The following HERC3 variants were observed in gnomAD, a reference collection of about 807,000 sequenced individuals.
HERC3 encodes HECT and RLD domain containing E3 ubiquitin protein ligase 3.
In HERC3, 58 loss-of-function variants were observed where a neutral mutation model predicts 129.9. The ratio of observed to expected loss-of-function variants is 0.45; its 90% CI spans 0.36 to 0.56. The LOEUF is 0.56. Ranked by LOEUF, HERC3 falls within the 20% of genes least tolerant of loss-of-function variation. The pLI, the probability that HERC3 is intolerant of heterozygous loss-of-function variation, is 0.00. For missense variants in HERC3, 835 were observed against 1,244.2 expected (o/e 0.67, Z 4.95); for synonymous variants, 430 against 451.0 (o/e 0.95, Z 0.59).
At chr4:88,592,789 C>T (rs1470140672) in intron 1 of HERC3, among the ~76,000 whole-genome samples, 1 of 151,886 alleles carries the variant, frequency 6.6e-6, no homozygotes. Context: ...CCTTAGTACC[C>T]TGCGTACGCC....
the HERC3 span, among the ~76,000 whole-genome samples, chr4:88,538,545 CTTT>C: frequency 2.8e-4 from 36 of 129,766 alleles, no homozygotes; most frequent in Admixed American, 3.9e-4. Flanking sequence ...CCAATTTCCT[CTTT>C]TTTTTTTTTT....
At chr4:88,614,133 T>A (rs553284636) in intron 3 of HERC3, among the ~76,000 whole-genome samples, 29 of 152,352 alleles carry the variant, frequency 1.9e-4, no homozygotes, top group Admixed American at 1.6e-3. Flanking sequence ...AACAAGAATT[T>A]TAGTTAATTT....
At chr4:88,665,957 T>A (rs1366753037) in intron 12 of HERC3, among the ~76,000 whole-genome samples, 1 of 152,186 alleles carries the variant, frequency 6.6e-6, no homozygotes, top group Non-Finnish European at 1.5e-5. Flanking sequence ...TCTGGTAACA[T>A]TTTTGGTTGG....
intron 18 of HERC3, 111 bp from the exon 19 acceptor site, chr4:88,677,853 T>A: frequency 1.1e-6 from 1 of 883,036 alleles, no homozygotes; most frequent in Non-Finnish European, 1.7e-6. Flanking sequence ...GGGAAAAAAA[T>A]TAACAAAATG....
At chr4:88,615,492 A>G (rs539534203) in intron 3 of HERC3, among the ~76,000 whole-genome samples, 1 of 152,154 alleles carries the variant, frequency 6.6e-6, no homozygotes, top group South Asian at 2.1e-4. Context: ...TGAAATTTCT[A>G]TTATAATTAT....
At chr4:88,626,778 G>A (rs1036728807) in intron 3 of HERC3, among the ~76,000 whole-genome samples, 2 of 152,106 alleles carry the variant, frequency 1.3e-5, no homozygotes, top group Admixed American at 6.5e-5. Flanking sequence ...TATAGCACTT[G>A]TATCTTCATT....
At chr4:88,681,721 T>G (rs1732801836) in intron 21 of HERC3, among the ~76,000 whole-genome samples, 1 of 152,224 alleles carries the variant, frequency 6.6e-6, no homozygotes, top group Non-Finnish European at 1.5e-5. Flanking sequence ...GATACACATA[T>G]TTTGGGGGTA....
rs372496902 is a variant in HERC3, at chr4:88,650,990, A to G, written c.386+991A>G. Among the ~76,000 whole-genome samples, 19 of 152,252 alleles carry G rather than the reference A, an allele frequency of 1.2e-4. No homozygotes were observed. The South Asian group carries it at 2.7e-3, about 22-fold the overall frequency. On this transcript the variant is annotated intron_variant, in intron 4 of 25. Transcript: ENST00000402738. ...TAAATAAGAGGACCATGGAGGTAAG[A>G]GTGATTTGATTCAGTTCTTGATTTA...
chr4:88,548,600 A>G, the HERC3 span, among the ~76,000 whole-genome samples: 5 of 150,872 alleles, frequency 3.3e-5, no homozygotes, highest in Admixed American at 2.6e-4. Flanking sequence ...TATATTCTGG[A>G]TACAATTTCA....
intron 3 of HERC3, among the ~76,000 whole-genome samples, chr4:88,621,296 A>G (rs1056094361): frequency 2.6e-5 from 4 of 152,086 alleles, no homozygotes; most frequent in Admixed American, 6.5e-5. Context: ...TAGTAGAGAC[A>G]GGGTTTTGCC....
At chr4:88,582,107 G>A in the HERC3 span, among the ~76,000 whole-genome samples, 1 of 152,096 alleles carries the variant, frequency 6.6e-6, no homozygotes, top group African/African-American at 2.4e-5. Flanking sequence ...TGCTTCAAAG[G>A]CTGACCTGGG....
chr4:88,567,878 T>C, the HERC3 span, among the ~76,000 whole-genome samples: 1 of 152,220 alleles, frequency 6.6e-6, no homozygotes, highest in South Asian at 2.1e-4. Context: ...AAAAGCTATG[T>C]ATTTATTTTA....
the HERC3 span, chr4:88,523,885 C>T: frequency 0.035 from 19,958 of 577,660 alleles, 693 homozygotes; most frequent in South Asian, 0.12. Context: ...GCTTTTCCCA[C>T]GGGCGTCATC....
intron 23 of HERC3, chr4:88,692,853 A>G (rs979450463): frequency 5.9e-5 from 58 of 981,950 alleles, no homozygotes; most frequent in Non-Finnish European, 6.5e-5. Context: ...ATGGCCTCTC[A>G]GGGGCTAAGG....
the HERC3 span, among the ~76,000 whole-genome samples, chr4:88,548,265 A>G: frequency 1.3e-5 from 2 of 152,152 alleles, no homozygotes; most frequent in Non-Finnish European, 2.9e-5. Context: ...TGTTTTAAGA[A>G]ATTTCCAGAC....
chr4:88,677,886 G>T, intron 18 of HERC3, 78 bp from the exon 19 acceptor site: 1 of 1,355,916 alleles, frequency 7.4e-7, no homozygotes, highest in East Asian at 2.3e-5. Context: ...GCGCCCCCAA[G>T]TCCAGAAGCA....
chr4:88,573,499 T>C, the HERC3 span, among the ~76,000 whole-genome samples: 1 of 152,234 alleles, frequency 6.6e-6, no homozygotes, highest in South Asian at 2.1e-4. Flanking sequence ...TCTGGAATTC[T>C]GGGATAGATG....
chr4:88,646,400 A>G (rs1382339736), intron 3 of HERC3, among the ~76,000 whole-genome samples: 2 of 152,236 alleles, frequency 1.3e-5, no homozygotes, highest in African/African-American at 4.8e-5. Flanking sequence ...CACATTGGCC[A>G]CTGTGCTGTC....
At chr4:88,614,025 A>G (rs537645102) in intron 3 of HERC3, among the ~76,000 whole-genome samples, 1 of 152,172 alleles carries the variant, frequency 6.6e-6, no homozygotes, top group Non-Finnish European at 1.5e-5. Context: ...GAAAATGTGT[A>G]CTTATTAATG....
Sources: gnomAD v4.1 joint callset for allele counts (sites outside exome capture counted in the v4.1 genomes callset) on GRCh38, gnomAD v4.1.1 for gene constraint, MANE v1.5 for transcripts, NCBI Gene and HGNC (gene_info 2026-07-23, HGNC 2026-07-21) for gene names.